USP42: variants seen among roughly 807,000 people sequenced by gnomAD.
USP42 encodes the protein ubiquitin specific peptidase 42.
In USP42, 23 loss-of-function variants were observed where a neutral mutation model predicts 113.0. The ratio of observed to expected loss-of-function variants is 0.20; its 90% confidence interval spans 0.15 to 0.29. The LOEUF (loss-of-function observed/expected upper bound fraction) is 0.29. USP42 is among the 10% of genes least tolerant of loss of function. USP42 has a pLI of 1.00. For missense variants in USP42, 2,174 were observed against 1,779.8 expected (o/e 1.22, Z -3.99); for synonymous variants, 933 against 699.0 (o/e 1.33, Z -5.28).
intron 3 of USP42, among the ~76,000 whole-genome samples, chr7:6,121,607 T>C (rs1317779878): frequency 6.6e-6 from 1 of 152,238 alleles, no homozygotes; most frequent in Non-Finnish European, 1.5e-5. Context: ...ATTTCAGCAG[T>C]GAAGCCATCT....
rs1782644308 is a variant in USP42 at position 6,159,402 on chromosome 7, G to A, written c.3944-48G>A. 5 of 1,613,558 alleles carry A rather than the reference G, an allele frequency of 3.1e-6. No homozygotes were observed. Among genetic ancestry groups the A allele is most frequent in the East Asian group, 2.2e-5 (1 of 44,870 alleles). ...GCACACACACAGCAGAGGCCCTGGCGATTTTGCAACCATCATTAAAATCTC... is the reference window on the plus strand; with the variant it reads ...GCACACACACAGCAGAGGCCCTGGCAATTTTGCAACCATCATTAAAATCTC... On this transcript the variant is annotated intron_variant, in intron 16 of 17. Transcript: ENST00000306177. The surrounding 1 kb of genome is among the most constrained non-coding windows in gnomAD (Gnocchi z 4.1).
intron 2 of USP42, among the ~76,000 whole-genome samples, chr7:6,112,169 G>T (rs1779630697): frequency 6.6e-6 from 1 of 152,068 alleles, no homozygotes; most frequent in Non-Finnish European, 1.5e-5. Context: ...GAGCAGATAG[G>T]CTAGGCATGG....
intron 3 of USP42, among the ~76,000 whole-genome samples, chr7:6,128,984 C>T (rs545626808): frequency 6.6e-6 from 1 of 152,114 alleles, no homozygotes; most frequent in East Asian, 1.9e-4. Context: ...CCATGCCTGG[C>T]TAATTTTTGT....
intron 12 of USP42, among the ~76,000 whole-genome samples, chr7:6,148,955 C>G (rs1309924749): frequency 6.6e-6 from 1 of 152,174 alleles, no homozygotes; most frequent in East Asian, 1.9e-4. Context: ...ATGAAGCTTT[C>G]CAGTGTTAGG....
intron 3 of USP42, among the ~76,000 whole-genome samples, chr7:6,123,024 C>T (rs989238274): frequency 6.6e-6 from 1 of 150,898 alleles, no homozygotes; most frequent in East Asian, 2.0e-4. Context: ...GGGGTTTCGC[C>T]CGTGTTGGCT....
At chr7:6,082,048 A>G in the USP42 span, among the ~76,000 whole-genome samples, 1 of 152,056 alleles carries the variant, frequency 6.6e-6, no homozygotes, top group Admixed American at 6.6e-5. Flanking sequence ...ATATGTATGT[A>G]TACATATTTG....
chr7:6,157,393 T>C lies in USP42; in HGVS notation c.3943+338T>C, dbSNP rs997078005. 6.1e-6 allele frequency: 6 copies of C among 985,394 alleles called. No homozygotes were observed. In the African/African-American group the frequency reaches 7.0e-5, roughly 11 times the overall value. 61.0% of individuals were successfully genotyped at this position (985,394 alleles called of 1,614,324 possible). ...GGTTTGGTTTGGTTTTATTTTATTT[T>C]ATTTTATTTATTTTATTTTTTGAGA... On this transcript the variant is annotated intron_variant, in intron 16 of 17. Coordinates refer to ENST00000306177, the MANE Select transcript of USP42 (RefSeq NM_032172.3). The surrounding 1 kb of genome is among the most constrained non-coding windows in gnomAD (Gnocchi z 4.1).
At chr7:6,088,821 CA>C in the USP42 span, 3 of 150,954 alleles carry the variant, frequency 2.0e-5, no homozygotes, top group Admixed American at 1.3e-4. Flanking sequence ...GTGTTCCAAG[CA>C]TAGAGATGAT....
chr7:6,154,287 C>A lies in USP42; in HGVS notation c.2733C>A (p.His911Gln). Residue 911 changes from histidine to glutamine, a missense_variant, in exon 15 of 18, where the codon CAC becomes CAA. His to Gln is a conservative substitution (Grantham distance 24). Transcript: ENST00000306177. ...APVLDMAPAG[H>Q]PEGDAEPSPG... The stretch of plus-strand genomic sequence containing the variant: ...TGCTGGACATGGCCCCGGCCGGTCA[C>A]CCGGAAGGGGACGCTGAGCCTAGCC... 1 of 1,591,312 alleles carries A rather than the reference C, an allele frequency of 6.3e-7. No individual in the cohort carries two copies. Among genetic ancestry groups the A allele is most frequent in the Non-Finnish European group, 8.5e-7 (1 of 1,169,844 alleles).
rs1035945084 is a variant in USP42, at chr7:6,154,542, G to A, written c.2988G>A (p.Pro996=). The stretch of plus-strand genomic sequence containing the variant: ...GCGACCGCCAGGACCGCCACGCCCC[G>A]GAGCACCACCCCGGCCACGGCGACA... ...RERDRQDRHA[P]EHHPGHGDRL... is the part of the protein sequence containing the mutation. The change falls in exon 15 of 18, where the codon CCG becomes CCA. Residue 996 remains proline (P), a synonymous_variant. Transcript: ENST00000306177. 33 of 1,545,910 alleles carry A rather than the reference G, an allele frequency of 2.1e-5. No individual in the cohort carries two copies. Among genetic ancestry groups the A allele is most frequent in the Non-Finnish European group, 2.7e-5 (31 of 1,146,738 alleles).
intron 7 of USP42, among the ~76,000 whole-genome samples, chr7:6,141,425 A>T (rs576159376): frequency 6.6e-6 from 1 of 151,906 alleles, no homozygotes; most frequent in South Asian, 2.1e-4. Flanking sequence ...GATGGTCTTG[A>T]ACTCTTGACC....
intron 3 of USP42, among the ~76,000 whole-genome samples, chr7:6,120,404 A>C (rs1780154888): frequency 6.6e-6 from 1 of 151,644 alleles, no homozygotes; most frequent in South Asian, 2.1e-4. Flanking sequence ...CATCACTTCT[A>C]GCTAATTTTT....
upstream of USP42, among the ~76,000 whole-genome samples, chr7:6,099,992 A>T (rs890503930): frequency 8.3e-6 from 1 of 121,112 alleles, no homozygotes; most frequent in Admixed American, 8.7e-5. Flanking sequence ...ATTACTACCA[A>T]ATTTCACAAG....
In USP42 at chr7:6,154,852, C is replaced by A. The variant is rs1405508137; in HGVS notation, c.3298C>A (p.Arg1100Ser). ...ERPHKDHNRG[R>S]RGCEPARERE... ...GCCGCACAAGGACCACAACCGGGGC[C>A]GTAGGGGCTGCGAGCCGGCCCGGGA... The change falls in exon 15 of 18, where the codon CGT becomes AGT. Residue 1100 changes from arginine to serine, a missense_variant. Transcript: ENST00000306177. 2 of 1,532,936 alleles carry A rather than the reference C, an allele frequency of 1.3e-6. No individual in the cohort carries two copies. 95.0% of individuals were successfully genotyped at this position (1,532,936 alleles called of 1,614,324 possible).
chr7:6,156,388 C>A (rs1014455826), intron 15 of USP42, among the ~76,000 whole-genome samples: 4 of 152,180 alleles, frequency 2.6e-5, no homozygotes, highest in African/African-American at 9.7e-5. Context: ...TGGGACTGTT[C>A]AGGATGGAGC....
At chr7:6,119,336 T>C (rs1338813506) in intron 3 of USP42, among the ~76,000 whole-genome samples, 3 of 152,150 alleles carry the variant, frequency 2.0e-5, no homozygotes, top group African/African-American at 7.2e-5. Flanking sequence ...TCTCTGGGTG[T>C]GGCGGCAAGC....
At chr7:6,116,097 C>T (rs1779896081) in intron 3 of USP42, among the ~76,000 whole-genome samples, 1 of 141,116 alleles carries the variant, frequency 7.1e-6, no homozygotes, top group South Asian at 2.2e-4. Flanking sequence ...GAAAGAGACC[C>T]TGTCTCAAAA....
In USP42 at chr7:6,139,894, C is replaced by G; in HGVS notation, c.657-234C>G. 3.5e-6 allele frequency: 2 copies of G among 564,954 alleles called. No homozygotes were observed. The highest frequency in any genetic ancestry group is 1.9e-5 in the African/African-American group (1 of 52,646). The allele number at this position is 564,954 out of a possible 1,614,324, so 35.0% of individuals were successfully genotyped here. ...CCTGCCTTGCTTCCCGAGTCCCTTCCTGACAGACACAGCTCCCACAGCTCT... is the reference window on the plus strand; with the variant it reads ...CCTGCCTTGCTTCCCGAGTCCCTTCGTGACAGACACAGCTCCCACAGCTCT... On this transcript the variant is annotated intron_variant, in intron 5 of 17. Transcript: ENST00000306177. The surrounding 1 kb of genome is among the most constrained non-coding windows in gnomAD (Gnocchi z 4.5).
intron 1 of USP42, 51 bp downstream of exon 1, chr7:6,105,083 C>G (rs1779184248): frequency 6.8e-6 from 1 of 148,080 alleles, no homozygotes; most frequent in Admixed American, 6.8e-5. Context: ...GGGGCCCGCG[C>G]AGCGGCCCGC....
Sources: gnomAD v4.1 joint callset for allele counts (sites outside exome capture counted in the v4.1 genomes callset) on GRCh38, gnomAD v4.1.1 for gene constraint, Gnocchi (gnomAD v3.1) non-coding constraint, MANE v1.5 for transcripts, NCBI Gene and HGNC (gene_info 2026-07-23, HGNC 2026-07-21) for gene names.